The following TAPT1 variants were observed in gnomAD, a reference collection of about 807,000 sequenced individuals.
TAPT1 encodes the protein transmembrane anterior posterior transformation 1, also known as transmembrane anterior posterior transformation protein 1 homolog.
Under a neutral mutation model 65.6 loss-of-function variants are expected in TAPT1, and 28 were observed. The ratio of observed to expected loss-of-function variants is 0.43; its 90% confidence interval spans 0.32 to 0.59. The LOEUF is 0.59. TAPT1 is among the 20% of genes least tolerant of loss of function. The probability of loss-of-function intolerance (pLI) is 0.09; values close to 1 mark genes in which losing one functional copy is unlikely to be tolerated. For synonymous variants in TAPT1, 278 were observed against 245.2 expected, an observed-to-expected ratio of 1.13 and a Z score of -1.25; for missense variants, 563 against 679.9, an observed-to-expected ratio of 0.83 and a Z score of 1.91.
intron 11 of TAPT1, among the ~76,000 whole-genome samples, chr4:16,171,800 T>C (rs1395862820): frequency 1.3e-5 from 2 of 152,340 alleles, no homozygotes; most frequent in East Asian, 3.9e-4. Flanking sequence ...TGATCACATT[T>C]AAGGCTTAAA....
intron 3 of TAPT1, among the ~76,000 whole-genome samples, chr4:16,194,891 C>A (rs1560172405): frequency 4.4e-5 from 5 of 114,756 alleles, no homozygotes; most frequent in Admixed American, 8.5e-5. Flanking sequence ...TCTTCTTCTT[C>A]TTCTTATTTT....
intron 4 of TAPT1, chr4:16,190,790 C>T (rs7666361): frequency 0.75 from 115,655 of 154,754 alleles, 43,413 homozygotes; most frequent in Middle Eastern, 0.84. Flanking sequence ...GATTTTCATA[C>T]GCTGAATGCT....
chr4:16,223,722 C>T (rs1171152988), intron 1 of TAPT1, among the ~76,000 whole-genome samples: 1 of 152,064 alleles, frequency 6.6e-6, no homozygotes, highest in East Asian at 1.9e-4. Context: ...GCTATTCATA[C>T]AGACAAATAT....
At chr4:16,169,870 C>T (rs370397469) in intron 12 of TAPT1, among the ~76,000 whole-genome samples, 2 of 152,208 alleles carry the variant, frequency 1.3e-5, no homozygotes, top group Admixed American at 6.5e-5. Flanking sequence ...GCCAATCCAC[C>T]GCTCAAGTTG....
chr4:16,218,924 T>C (rs940221962), intron 1 of TAPT1, among the ~76,000 whole-genome samples: 8 of 152,212 alleles, frequency 5.3e-5, no homozygotes, highest in African/African-American at 1.9e-4. Context: ...ACAACATAAA[T>C]ACTGAGTGTT....
At chr4:16,181,881 AG>A (rs1157942087) in intron 7 of TAPT1, among the ~76,000 whole-genome samples, 4 of 152,204 alleles carry the variant, frequency 2.6e-5, no homozygotes, top group African/African-American at 9.6e-5. Context: ...AACAAATTTT[AG>A]AAAAGCAGAC....
At chr4:16,213,935 G>T in intron 1 of TAPT1, 37 bp from the exon 2 acceptor site, 2 of 1,566,620 alleles carry the variant, frequency 1.3e-6, no homozygotes, top group Non-Finnish European at 1.7e-6. Flanking sequence ...AAAAAGAACA[G>T]TATTTATCAA....
intron 2 of TAPT1, among the ~76,000 whole-genome samples, chr4:16,209,352 C>T (rs1172421036): frequency 2.0e-5 from 3 of 152,176 alleles, no homozygotes; most frequent in Non-Finnish European, 4.4e-5. Context: ...ATCTCCTAAG[C>T]TAGGTGTGAG....
chr4:16,227,165 A>C (rs1271991954), upstream of TAPT1: 2 of 455,822 alleles, frequency 4.4e-6, no homozygotes, highest in Non-Finnish European at 8.8e-6. Flanking sequence ...GAGCTTGGGC[A>C]GCTTCACAAC....
intron 7 of TAPT1, among the ~76,000 whole-genome samples, chr4:16,181,728 C>T (rs1046592176): frequency 2.6e-5 from 4 of 152,180 alleles, no homozygotes; most frequent in South Asian, 4.1e-4. Context: ...CCACCATGCC[C>T]GGCTAATTTT....
At position 16,226,368 on chromosome 4, in the gene TAPT1, C is replaced by T; in HGVS notation, c.90G>A (p.Glu30=). The change falls in exon 1 of 14, where the codon GAG becomes GAA. Residue 30 remains glutamate, a synonymous_variant. Transcript: ENST00000405303. ...GPQRDGRGEA[E]QPGGSGGQGP... ...CCTGTCCGCCGCTGCCGCCCGGCTGCTCCGCCTCGCCGCGGCCGTCCCGCT... is the reference window on the plus strand; with the variant it reads ...CCTGTCCGCCGCTGCCGCCCGGCTGTTCCGCCTCGCCGCGGCCGTCCCGCT... 2 of 1,109,234 alleles carry T rather than the reference C, an allele frequency of 1.8e-6. No individual in the cohort carries two copies. The highest frequency in any genetic ancestry group is 2.2e-6 in the Non-Finnish European group (2 of 910,502). 68.7% of individuals were successfully genotyped at this position (1,109,234 alleles called of 1,614,324 possible). A position where few individuals can be genotyped will look rare whatever the true frequency, so the allele number is the denominator to read the frequency against.
intron 12 of TAPT1, among the ~76,000 whole-genome samples, chr4:16,167,519 C>T (rs1747720588): frequency 6.6e-6 from 1 of 152,096 alleles, no homozygotes; most frequent in Admixed American, 6.5e-5. Flanking sequence ...TACTTTCTTG[C>T]TGTATAGAAA....
chr4:16,164,825 T>G lies in TAPT1; in HGVS notation c.1475-1288A>C, dbSNP rs529261172. ...TTGAAAAAAATGCAATCCTTATTAC[T>G]AATAGTGTTCTTATAATGAAAAAAA... On this transcript the variant is annotated intron_variant, in intron 13 of 13. Coordinates refer to ENST00000405303, the MANE Select transcript of TAPT1 (RefSeq NM_153365.3). Among the ~76,000 whole-genome samples the G allele has an allele frequency of 1.3e-3, 194 of 152,342 alleles. 2 individuals carry two copies. Among genetic ancestry groups the G allele is most frequent in the Non-Finnish European group, 1.9e-3 (126 of 68,034 alleles).
At chr4:16,218,104 T>A (rs1395813879) in intron 1 of TAPT1, among the ~76,000 whole-genome samples, 1 of 152,204 alleles carries the variant, frequency 6.6e-6, no homozygotes, top group Non-Finnish European at 1.5e-5. Flanking sequence ...GCAAATTAAA[T>A]AAAAAGGTTT....
intron 2 of TAPT1, among the ~76,000 whole-genome samples, chr4:16,207,131 G>A (rs2149707616): frequency 6.6e-6 from 1 of 152,318 alleles, no homozygotes; most frequent in African/African-American, 2.4e-5. Flanking sequence ...GGGAACATCT[G>A]CACAAGGGTG....
rs116268452 is a variant in TAPT1, at chr4:16,201,845, G to A, written c.449+617C>T. 2.8e-4 allele frequency among the ~76,000 whole-genome samples: 43 copies of A among 152,174 alleles called. 1 individual carries two copies. The highest frequency in any genetic ancestry group is 5.1e-4 in the Non-Finnish European group (35 of 68,028). On this transcript the variant is annotated intron_variant, in intron 3 of 13. Coordinates refer to ENST00000405303, the MANE Select transcript of TAPT1 (RefSeq NM_153365.3). Reference sequence around the variant, plus strand: ...TTGCTGATGGGGAAGCACACTTAGAGAAGTCAGGCTGTTGTGCACAGCTCA... The same window carrying A: ...TTGCTGATGGGGAAGCACACTTAGAAAAGTCAGGCTGTTGTGCACAGCTCA...
chr4:16,196,242 A>C (rs1163543040), intron 3 of TAPT1, among the ~76,000 whole-genome samples: 1 of 152,244 alleles, frequency 6.6e-6, no homozygotes, highest in African/African-American at 2.4e-5. Context: ...GGAATGATTC[A>C]AACCATTTCT....
intron 2 of TAPT1, among the ~76,000 whole-genome samples, chr4:16,204,911 T>C (rs1201056283): frequency 6.6e-6 from 1 of 152,264 alleles, no homozygotes; most frequent in African/African-American, 2.4e-5. Flanking sequence ...TTTTAACATC[T>C]GAACTTTAAT....
At chr4:16,174,415 G>A in intron 10 of TAPT1, 143 bp from the exon 11 acceptor site, 1 of 766,864 alleles carries the variant, frequency 1.3e-6, no homozygotes, top group Non-Finnish European at 2.1e-6. Context: ...AAAATGATGT[G>A]GAAATCCAAA....
Sources: allele counts gnomAD v4.1 joint callset (sites outside exome capture counted in the v4.1 genomes callset), GRCh38; gene constraint gnomAD v4.1.1; transcripts MANE v1.5; gene names NCBI Gene and HGNC (gene_info 2026-07-23, HGNC 2026-07-21).